NAALAD2: variants seen among roughly 807,000 people sequenced by gnomAD.
NAALAD2 encodes the protein N-acetylated alpha-linked acidic dipeptidase 2.
A neutral mutation model predicts 95.6 loss-of-function variants in NAALAD2; 89 were observed. The observed-to-expected ratio is 0.93, with a 90% CI of 0.78 to 1.11. The LOEUF (loss-of-function observed/expected upper bound fraction) is 1.11, where lower values mean the gene tolerates loss of function less well. NAALAD2 is among the 50% of genes least tolerant of loss of function. NAALAD2 has a pLI of 0.00. For synonymous variants in NAALAD2, 264 were observed against 294.4 expected (o/e 0.90, Z 1.06); for missense variants, 894 against 872.4 (o/e 1.02, Z -0.31).
At chr11:90,148,140 G>A (rs1183213075) in intron 3 of NAALAD2, among the ~76,000 whole-genome samples, 1 of 152,160 alleles carries the variant, frequency 6.6e-6, no homozygotes, top group Admixed American at 6.5e-5. Flanking sequence ...AGCAGGGGAA[G>A]GATGTGGCTA....
intron 11 of NAALAD2, among the ~76,000 whole-genome samples, chr11:90,168,657 T>C (rs553047428): frequency 1.3e-5 from 2 of 152,234 alleles, no homozygotes; most frequent in South Asian, 2.1e-4. Flanking sequence ...AACCACACTT[T>C]GAAAATATTT....
intron 18 of NAALAD2, 74 bp from the exon 19 acceptor site, chr11:90,191,482 CAT>C: frequency 9.7e-7 from 1 of 1,027,144 alleles, no homozygotes; most frequent in South Asian, 2.4e-5. Flanking sequence ...AAGGAAACAT[CAT>C]GTGGTCTAAA....
At chr11:90,143,795 C>T (rs777781947) in intron 2 of NAALAD2, among the ~76,000 whole-genome samples, 1 of 152,144 alleles carries the variant, frequency 6.6e-6, no homozygotes, top group African/African-American at 2.4e-5. Context: ...GTATTAAATG[C>T]ATTTTCAATT....
In NAALAD2 at chr11:90,140,905, G is replaced by T. The variant is rs576466193; in HGVS notation, c.194+5235G>T. ...TTGTGCATAAAGGTGTAAGGTTTAG[G>T]TTGAGTTTATTCTTTTGCTTGAGAA... On this transcript the variant is annotated intron_variant, in intron 2 of 18. Coordinates refer to ENST00000534061, the MANE Select transcript of NAALAD2 (RefSeq NM_005467.4). Among the ~76,000 whole-genome samples, 7 of 152,152 alleles carry T rather than the reference G, an allele frequency of 4.6e-5. No individual in the cohort carries two copies. In the South Asian group the frequency reaches 1.0e-3, roughly 23 times the overall value.
chr11:90,150,275 A>G (rs1213676832), intron 4 of NAALAD2, among the ~76,000 whole-genome samples: 1 of 151,742 alleles, frequency 6.6e-6, no homozygotes, highest in Non-Finnish European at 1.5e-5. Context: ...TAAATAAATA[A>G]CTCTTATACA....
At position 90,152,342 on chromosome 11, in the gene NAALAD2, C is replaced by G; in HGVS notation, c.654C>G (p.Tyr218Ter). The change falls in exon 6 of 19, where the codon TAC (tyrosine) becomes TAG (stop). Residue 218 changes from tyrosine to a stop codon, truncating the protein, a stop_gained. Coordinates refer to ENST00000534061, the MANE Select transcript of NAALAD2 (RefSeq NM_005467.4). LOFTEE classifies it high-confidence loss of function. ...MLAGAIGIIL[Y>*]SDPADYFAPE... ...CAGGAGCCATAGGAATCATCTTGTA[C>G]TCAGATCCAGCTGACTACTTTGCTC... 1.2e-6 allele frequency: 2 copies of G among 1,612,744 alleles called. No individual in the cohort carries two copies. Among genetic ancestry groups the G allele is most frequent in the Non-Finnish European group, 1.7e-6 (2 of 1,179,000 alleles).
At chr11:90,155,224 ATG>A (rs1301949618) in intron 6 of NAALAD2, among the ~76,000 whole-genome samples, 24 of 126,956 alleles carry the variant, frequency 1.9e-4, no homozygotes, top group South Asian at 1.4e-3. Flanking sequence ...TAATATGTAT[ATG>A]TGTGTGTATA....
chr11:90,160,111 TTAATATTAC>T (rs1952253318), intron 8 of NAALAD2, among the ~76,000 whole-genome samples: 1 of 152,104 alleles, frequency 6.6e-6, no homozygotes, highest in Non-Finnish European at 1.5e-5. Context: ...CTCAATAGAA[TTAATATTAC>T]AATTATTACT....
chr11:90,182,196 A>C (rs1317402500), intron 17 of NAALAD2, among the ~76,000 whole-genome samples: 1 of 152,012 alleles, frequency 6.6e-6, no homozygotes, highest in African/African-American at 2.4e-5. Context: ...ATTTTATTTA[A>C]TTTCTTGCCA....
intron 11 of NAALAD2, among the ~76,000 whole-genome samples, chr11:90,168,184 C>G (rs1237147657): frequency 6.6e-6 from 1 of 152,168 alleles, no homozygotes; most frequent in Non-Finnish European, 1.5e-5. Context: ...CCGTGAAGGT[C>G]TGCAGCTTCA....
intron 11 of NAALAD2, among the ~76,000 whole-genome samples, chr11:90,166,347 T>C (rs918145092): frequency 6.6e-6 from 1 of 152,168 alleles, no homozygotes; most frequent in Non-Finnish European, 1.5e-5. Flanking sequence ...AAGAGTCTTA[T>C]TTTTGTCTTA....
chr11:90,181,309 G>A (rs987505347), intron 16 of NAALAD2, among the ~76,000 whole-genome samples: 3 of 151,744 alleles, frequency 2.0e-5, no homozygotes, highest in East Asian at 1.9e-4. Flanking sequence ...GCATACAGTT[G>A]TTGTCCCAAT....
Position 90,191,631 on chromosome 11 carries a change from T to C in NAALAD2, c.2107T>C (p.Phe703Leu). The stretch of plus-strand genomic sequence containing the variant: ...ATTTCCTGGAATCTATGATGCTATC[T>C]TTGATATTGAAAATAAAGCCAACTC... Reference protein sequence around the residue: ...ESFPGIYDAIFDIENKANSRL... With the variant: ...ESFPGIYDAILDIENKANSRL... Residue 703 changes from phenylalanine to leucine, a missense_variant, in exon 19 of 19, where the codon TTT (phenylalanine) becomes CTT (leucine). By Grantham distance (22) the Phe-to-Leu change is conservative (BLOSUM62 0). Transcript: ENST00000534061. The C allele has an allele frequency of 6.2e-7, 1 of 1,607,976 alleles. No individual in the cohort carries two copies.
At chr11:90,178,226 T>G in intron 16 of NAALAD2, 109 bp downstream of exon 16, 2 of 1,271,984 alleles carry the variant, frequency 1.6e-6, no homozygotes, top group Non-Finnish European at 2.2e-6. Flanking sequence ...CATATTTGCC[T>G]TACTTATTTT....
At position 90,175,497 on chromosome 11, in the gene NAALAD2, T is replaced by C. The variant is rs536698766; in HGVS notation, c.1503-475T>C. Among the ~76,000 whole-genome samples, 22 of 152,324 alleles carry C rather than the reference T, an allele frequency of 1.4e-4. No homozygotes were observed. The South Asian group carries it at 4.4e-3, about 30-fold the overall frequency. On this transcript the variant is annotated intron_variant, in intron 14 of 18. Transcript: ENST00000534061. ...TAATCATATGCAAAGAAATAAATTA[T>C]AATTAGATTTATTTCTAAAATGAGG... is the stretch of plus-strand genomic sequence containing the variant.
chr11:90,175,093 A>G (rs1952749603), intron 14 of NAALAD2, among the ~76,000 whole-genome samples: 1 of 152,190 alleles, frequency 6.6e-6, no homozygotes, highest in Non-Finnish European at 1.5e-5. Context: ...AAAAATCTGA[A>G]GTCCAAAATA....
At chr11:90,170,736 C>T (rs912692829) in intron 13 of NAALAD2, among the ~76,000 whole-genome samples, 10 of 152,060 alleles carry the variant, frequency 6.6e-5, no homozygotes, top group African/African-American at 2.2e-4. Flanking sequence ...TGCAGAGTCA[C>T]TGATGTTTGG....
chr11:90,188,921 C>G (rs1857242113), intron 18 of NAALAD2, among the ~76,000 whole-genome samples: 1 of 152,104 alleles, frequency 6.6e-6, no homozygotes, highest in Admixed American at 6.5e-5. Flanking sequence ...TCTCTATTTT[C>G]TAACCCCAGA....
chr11:90,142,779 G>A (rs1010223439), intron 2 of NAALAD2, among the ~76,000 whole-genome samples: 2 of 151,742 alleles, frequency 1.3e-5, no homozygotes, highest in East Asian at 1.9e-4. Context: ...TTTTCTTTCT[G>A]TACCTTTACT....
Sources: gnomAD v4.1 joint callset for allele counts (sites outside exome capture counted in the v4.1 genomes callset) on GRCh38, gnomAD v4.1.1 for gene constraint, MANE v1.5 for transcripts, NCBI Gene and HGNC (gene_info 2026-07-23, HGNC 2026-07-21) for gene names.